The following EXOC2 variants were observed in gnomAD, a reference collection of about 807,000 sequenced individuals.
The protein encoded by EXOC2 is SEC5-like 1.
Under a neutral mutation model 131.8 loss-of-function variants are expected in EXOC2, and 70 were observed. The observed-to-expected ratio is 0.53, with a 90% CI of 0.44 to 0.65. EXOC2 has a LOEUF of 0.65. EXOC2 is among the 30% of genes least tolerant of loss of function. EXOC2 has a pLI of 0.00. For missense variants in EXOC2, 923 were observed against 1,108.6 expected (o/e 0.83, Z 2.38); for synonymous variants, 411 against 398.4 (o/e 1.03, Z -0.38).
intron 11 of EXOC2, among the ~76,000 whole-genome samples, chr6:587,905 A>T (rs538021820): frequency 6.6e-6 from 1 of 152,250 alleles, no homozygotes. Flanking sequence ...ATTTCTAAGA[A>T]TTACATACTG....
rs1763069238 is a variant in EXOC2, at chr6:486,651, T to A, written c.*20A>T. 3.1e-6 allele frequency: 5 copies of A among 1,607,296 alleles called. No homozygotes were observed. Among genetic ancestry groups the A allele is most frequent in the Non-Finnish European group, 4.3e-6 (5 of 1,173,754 alleles). ...CTTATTACGTGTTATTTTCCTGGAC[T>A]TCTTTTATGTGGCAGATATTTATGT... is the stretch of plus-strand genomic sequence containing the variant. On this transcript the variant is annotated 3_prime_UTR_variant, in exon 28 of 28. Transcript: ENST00000230449.
At chr6:563,567 T>A (rs917576724) in intron 16 of EXOC2, among the ~76,000 whole-genome samples, 2 of 152,196 alleles carry the variant, frequency 1.3e-5, no homozygotes, top group Admixed American at 1.3e-4. Context: ...TTTTTTATGA[T>A]TTTATGTAGA....
chr6:558,455 T>TA (rs1370605227), intron 17 of EXOC2, among the ~76,000 whole-genome samples: 1 of 152,222 alleles, frequency 6.6e-6, no homozygotes, highest in Non-Finnish European at 1.5e-5. Context: ...TTTAAGATGT[T>TA]ACAATGATAA....
chr6:683,804 C>T (rs17834207), intron 1 of EXOC2, among the ~76,000 whole-genome samples: 4,307 of 152,306 alleles, frequency 0.028, 81 homozygotes, highest in Middle Eastern at 0.058. Flanking sequence ...TAAATCTTGA[C>T]ATAGTGAAAG....
intron 2 of EXOC2, among the ~76,000 whole-genome samples, chr6:634,712 G>T (rs914290919): frequency 6.6e-6 from 1 of 151,824 alleles, no homozygotes; most frequent in African/African-American, 2.4e-5. Flanking sequence ...GGCATTAAAA[G>T]GTTTCCTCAG....
chr6:652,343 A>G (rs370164232), intron 1 of EXOC2, among the ~76,000 whole-genome samples: 14 of 152,344 alleles, frequency 9.2e-5, no homozygotes, highest in East Asian at 3.9e-4. Context: ...CCTGGGTCCA[A>G]TGTTTGTGTG....
chr6:666,530 A>G lies in EXOC2; in HGVS notation c.-44+26489T>C, dbSNP rs1244534403. On this transcript the variant is annotated intron_variant, in intron 1 of 27. Transcript: ENST00000230449. The stretch of plus-strand genomic sequence containing the variant: ...CTTTACTGTTTTGTTTTGGCACTTT[A>G]CAACTTTTTTTTCTGAGCAGTTTTA... Among the ~76,000 whole-genome samples, 5 of 97,494 alleles carry G rather than the reference A, an allele frequency of 5.1e-5. 2 individuals are homozygous for G. The highest frequency in any genetic ancestry group is 1.2e-4 in the Non-Finnish European group (5 of 41,202). 64.0% of individuals were successfully genotyped at this position (97,494 alleles called of 152,430 possible). A position where few individuals can be genotyped will look rare whatever the true frequency, so the allele number is the denominator to read the frequency against.
At chr6:574,104 G>A (rs373205737) in intron 12 of EXOC2, among the ~76,000 whole-genome samples, 12 of 152,046 alleles carry the variant, frequency 7.9e-5, no homozygotes, top group Admixed American at 2.0e-4. Context: ...CATTTTTGAC[G>A]TATCGTAATT....
intron 27 of EXOC2, among the ~76,000 whole-genome samples, chr6:487,950 T>C (rs1763177304): frequency 6.6e-6 from 1 of 152,198 alleles, no homozygotes; most frequent in African/African-American, 2.4e-5. Context: ...AACGTAGCAG[T>C]GACTGTTTCA....
intron 22 of EXOC2, among the ~76,000 whole-genome samples, chr6:540,216 G>A (rs981171217): frequency 2.0e-5 from 3 of 152,096 alleles, no homozygotes; most frequent in Non-Finnish European, 4.4e-5. Context: ...CAGCCTCCCA[G>A]AGTGCAGGGA....
intron 3 of EXOC2, 82 bp from the exon 4 acceptor site, chr6:630,043 T>TA: frequency 6.7e-7 from 1 of 1,503,548 alleles, no homozygotes; most frequent in Admixed American, 2.1e-5. Flanking sequence ...TCTGACTTCT[T>TA]AAAGACCTAA....
chr6:624,633 T>C (rs1761459408), intron 4 of EXOC2, among the ~76,000 whole-genome samples: 1 of 152,176 alleles, frequency 6.6e-6, no homozygotes, highest in African/African-American at 2.4e-5. Context: ...GTACTTCTAC[T>C]GTCAAACAGA....
At chr6:668,622 A>T (rs550636095) in intron 1 of EXOC2, among the ~76,000 whole-genome samples, 10 of 151,968 alleles carry the variant, frequency 6.6e-5, no homozygotes, top group South Asian at 4.1e-4. Flanking sequence ...GATTAATCGT[A>T]CCCCATGTAT....
At chr6:686,119 GC>G (rs1358359607) in intron 1 of EXOC2, among the ~76,000 whole-genome samples, 1 of 151,738 alleles carries the variant, frequency 6.6e-6, no homozygotes, top group Admixed American at 6.6e-5. Context: ...GCGCCACCAT[GC>G]CCAGCTAATT....
At chr6:554,468 T>C (rs1186701085) in intron 20 of EXOC2, among the ~76,000 whole-genome samples, 2 of 152,168 alleles carry the variant, frequency 1.3e-5, no homozygotes, top group Non-Finnish European at 2.9e-5. Context: ...AACCAATTCC[T>C]GGTGAAATAA....
rs545474205 is a variant in EXOC2 at position 624,981 on chromosome 6, A to C, written c.422+4854T>G. The stretch of plus-strand genomic sequence containing the variant: ...ACAGAGTTAGGACTGAAAGTGACAG[A>C]GACCCTACTGTGTAAACTCACGAAA... On this transcript the variant is annotated intron_variant, in intron 4 of 27. Coordinates refer to ENST00000230449, the MANE Select transcript of EXOC2 (RefSeq NM_018303.6). 1.4e-4 allele frequency among the ~76,000 whole-genome samples: 22 copies of C among 152,390 alleles called. 1 individual carries two copies. In the South Asian group the frequency reaches 4.3e-3, roughly 30 times the overall value.
chr6:688,681 T>C lies in EXOC2; in HGVS notation c.-44+4338A>G, dbSNP rs561390700. Among the ~76,000 whole-genome samples, 3 of 152,264 alleles carry C rather than the reference T, an allele frequency of 2.0e-5. No homozygotes were observed. In the East Asian group the frequency reaches 5.8e-4, roughly 29 times the overall value. On this transcript the variant is annotated intron_variant, in intron 1 of 27. Transcript: ENST00000230449. ...GGATCCTCCTCCAGACAGCCCTACTTTCTCCTTCTGTCCTTTCTGGTTACT... is the reference window on the plus strand; with the variant it reads ...GGATCCTCCTCCAGACAGCCCTACTCTCTCCTTCTGTCCTTTCTGGTTACT...
Position 513,756 on chromosome 6 carries a change from T to C in EXOC2, c.2381-14056A>G, listed in dbSNP as rs113042481. Among the ~76,000 whole-genome samples, 1,252 of 152,346 alleles carry C rather than the reference T, an allele frequency of 8.2e-3. 9 individuals are homozygous for C. The highest frequency in any genetic ancestry group is 0.015 in the Non-Finnish European group (1,011 of 68,024). ...CTCAAACATTTTGATTATTAGTATG[T>C]GATATTATGAGAAAACTGAAGTAAA... On this transcript the variant is annotated intron_variant, in intron 23 of 27. Coordinates refer to ENST00000230449, the MANE Select transcript of EXOC2 (RefSeq NM_018303.6).
chr6:598,289 A>C (rs988345793), intron 9 of EXOC2, among the ~76,000 whole-genome samples, 166 bp from the exon 10 acceptor site: 1 of 152,232 alleles, frequency 6.6e-6, no homozygotes, highest in Non-Finnish European at 1.5e-5. Flanking sequence ...AAGGGTGTAC[A>C]TATTTGTCAA....
Sources: gnomAD v4.1 joint callset for allele counts (sites outside exome capture counted in the v4.1 genomes callset) on GRCh38, gnomAD v4.1.1 for gene constraint, MANE v1.5 for transcripts, NCBI Gene and HGNC (gene_info 2026-07-23, HGNC 2026-07-21) for gene names.